IFT140: variants seen among roughly 807,000 people sequenced by gnomAD.
The protein encoded by IFT140 is intraflagellar transport protein 140 homolog.
Under a neutral mutation model 164.6 loss-of-function variants are expected in IFT140, and 133 were observed. That is an observed-to-expected ratio of 0.81 (90% CI 0.70 to 0.93). The LOEUF is 0.93. IFT140 is among the 40% of genes least tolerant of loss of function. IFT140 has a pLI of 0.00. For missense variants in IFT140, 2,045 were observed against 1,972.3 expected, an observed-to-expected ratio of 1.04 and a Z score of -0.70; for synonymous variants, 860 against 817.3, an observed-to-expected ratio of 1.05 and a Z score of -0.89.
At chr16:1,517,582 G>C (rs141196573) in intron 30 of IFT140, among the ~76,000 whole-genome samples, 188 of 152,278 alleles carry the variant, frequency 1.2e-3, no homozygotes, top group African/African-American at 4.0e-3. Context: ...GAAAACGCTA[G>C]AACACTGCGG....
chr16:1,563,845 C>T (rs553897613), intron 17 of IFT140, 152 bp downstream of exon 17: 232 of 629,690 alleles, frequency 3.7e-4, no homozygotes, highest in Admixed American at 1.6e-3. Flanking sequence ...AGGCTGGTCT[C>T]GAACTCCTGG....
intron 19 of IFT140, among the ~76,000 whole-genome samples, chr16:1,537,251 G>C (rs1223818322): frequency 6.6e-6 from 1 of 151,996 alleles, no homozygotes; most frequent in Non-Finnish European, 1.5e-5. Flanking sequence ...GCCACACCGC[G>C]TGCCTCCTCA....
At chr16:1,583,258 G>C in intron 12 of IFT140, 56 bp downstream of exon 12, 1 of 1,460,412 alleles carries the variant, frequency 6.8e-7, no homozygotes, top group Non-Finnish European at 9.6e-7. Context: ...TCATTAGGCA[G>C]GGAGGAAATA....
intron 29 of IFT140, 82 bp downstream of exon 29, chr16:1,519,799 G>A: frequency 3.0e-6 from 4 of 1,344,184 alleles, no homozygotes. Context: ...CTGCCCTTTT[G>A]CTGGCTGGGG....
Position 1,564,078 on chromosome 16 carries a change from T to C in IFT140, c.1986A>G (p.Val662=), listed in dbSNP as rs1261680512. The C allele has an allele frequency of 1.2e-6, 2 of 1,604,946 alleles. No homozygotes were observed. Among genetic ancestry groups the C allele is most frequent in the East Asian group, 4.5e-5 (2 of 44,460 alleles). The change falls in exon 17 of 31, where the codon GTA becomes GTG. Residue 662 remains valine (V), a synonymous_variant. Transcript: ENST00000426508. The surrounding 1 kb of genome is among the most constrained non-coding windows in gnomAD (Gnocchi z 5.5). ...GCGGCGTCTCCTGCACGGCTTCGCA[T>C]ACAAACAGCCGGGGCTCACTCTGGT... ...FWDQSEPRLF[V]CEAVQETPRS...
At chr16:1,517,636 GTC>G (rs1307465480) in intron 30 of IFT140, among the ~76,000 whole-genome samples, 2 of 152,172 alleles carry the variant, frequency 1.3e-5, no homozygotes, top group African/African-American at 2.4e-5. Context: ...ACTACACGCT[GTC>G]TCTAAAATTA....
At chr16:1,605,500 G>C (rs1318301932) in intron 3 of IFT140, among the ~76,000 whole-genome samples, 1 of 152,102 alleles carries the variant, frequency 6.6e-6, no homozygotes, top group Non-Finnish European at 1.5e-5. Context: ...CTGCCTCCTG[G>C]GTTCATGCCA....
intron 3 of IFT140, among the ~76,000 whole-genome samples, chr16:1,606,257 T>A (rs972824548): frequency 2.0e-5 from 3 of 152,246 alleles, no homozygotes; most frequent in Non-Finnish European, 4.4e-5. Context: ...CAGAGGAAGA[T>A]GCCTCAGGAT....
intron 2 of IFT140, among the ~76,000 whole-genome samples, chr16:1,608,662 CAACA>C (rs570986580): frequency 1.5e-4 from 22 of 141,946 alleles, no homozygotes; most frequent in Middle Eastern, 3.9e-3. Flanking sequence ...GAAACCCGAA[CAACA>C]AACAAACACT....
intron 19 of IFT140, among the ~76,000 whole-genome samples, chr16:1,550,031 C>A (rs1485517844): frequency 6.6e-6 from 1 of 152,118 alleles, no homozygotes; most frequent in African/African-American, 2.4e-5. Flanking sequence ...TCACGGCTTA[C>A]TGCAGACTCG....
rs779610741 is a variant in IFT140 at position 1,566,253 on chromosome 16, A to G, written c.1809T>C (p.Asp603=). 7 of 1,613,834 alleles carry G rather than the reference A, an allele frequency of 4.3e-6. No homozygotes were observed. Among genetic ancestry groups the G allele is most frequent in the South Asian group, 1.1e-5 (1 of 91,076 alleles). ...AGACGGTCACTGTGTCCATTTCAACATCGTAGAAGCAGATTTTGGAATCAG... is the reference window on the plus strand; with the variant it reads ...AGACGGTCACTGTGTCCATTTCAACGTCGTAGAAGCAGATTTTGGAATCAG... The part of the protein sequence containing the change: ...NSPDSKICFY[D]VEMDTVTVFD... Residue 603 remains aspartate, a synonymous_variant, in exon 16 of 31, where the codon GAT becomes GAC. Transcript: ENST00000426508.
chr16:1,586,870 C>T (rs1451940290), intron 9 of IFT140, among the ~76,000 whole-genome samples: 1 of 152,226 alleles, frequency 6.6e-6, no homozygotes, highest in African/African-American at 2.4e-5. Context: ...TCACACCTGG[C>T]TAATTTTTGT....
chr16:1,595,994 T>G (rs189685753), intron 4 of IFT140, among the ~76,000 whole-genome samples: 1 of 151,100 alleles, frequency 6.6e-6, no homozygotes, highest in African/African-American at 2.4e-5. Flanking sequence ...AGGCAGAGCT[T>G]GCAATGAGCC....
At chr16:1,578,156 C>T (rs2034371511) in intron 13 of IFT140, 1 of 152,104 alleles carries the variant, frequency 6.6e-6, no homozygotes, top group Admixed American at 6.5e-5. Context: ...CTTCCCTCCA[C>T]CTGATTCAGA....
In IFT140 at chr16:1,608,343, C is replaced by T. The variant is rs537483486; in HGVS notation, c.-31-1046G>A. On this transcript the variant is annotated intron_variant, in intron 2 of 30. Coordinates refer to ENST00000426508, the MANE Select transcript of IFT140 (RefSeq NM_014714.4). ...AACATACTTGTAGCCGGGTTTGCCA[C>T]CATTTAAAATTATACAGGCTCATGC... 3.9e-5 allele frequency among the ~76,000 whole-genome samples: 6 copies of T among 152,272 alleles called. No individual in the cohort carries two copies. In the South Asian group the frequency reaches 6.2e-4, roughly 16 times the overall value.
At chr16:1,605,552 C>T (rs944584545) in intron 3 of IFT140, among the ~76,000 whole-genome samples, 1 of 152,000 alleles carries the variant, frequency 6.6e-6, no homozygotes, top group Admixed American at 6.5e-5. Flanking sequence ...ACTACAGGTG[C>T]CCGCCACCAC....
chr16:1,569,760 T>G lies in IFT140; in HGVS notation c.1653-1426A>C, dbSNP rs117401189. ...TGCAAGTCACCATGCCTGGCTAATT[T>G]TTTTTTTTTAAGAAATTGGGTTTCA... On this transcript the variant is annotated intron_variant, in intron 14 of 30. Transcript: ENST00000426508. Among the ~76,000 whole-genome samples the G allele has an allele frequency of 7.5e-3, 1,130 of 151,632 alleles. 5 individuals are homozygous for G. The highest frequency in any genetic ancestry group is 0.011 in the Non-Finnish European group (762 of 67,880).
intron 16 of IFT140, among the ~76,000 whole-genome samples, 179 bp downstream of exon 16, chr16:1,565,982 G>A (rs955081484): frequency 6.6e-6 from 1 of 152,180 alleles, no homozygotes; most frequent in Non-Finnish European, 1.5e-5. Flanking sequence ...GAAGGACAGA[G>A]ACTAAGAACT....
chr16:1,547,717 G>A (rs1393346550), intron 19 of IFT140, among the ~76,000 whole-genome samples: 3 of 152,110 alleles, frequency 2.0e-5, no homozygotes, highest in Non-Finnish European at 4.4e-5. Context: ...TGTATTTTTG[G>A]TAGAGATGGG....
Sources: gnomAD v4.1 joint callset for allele counts (sites outside exome capture counted in the v4.1 genomes callset) on GRCh38, gnomAD v4.1.1 for gene constraint, Gnocchi (gnomAD v3.1) non-coding constraint, MANE v1.5 for transcripts, NCBI Gene and HGNC (gene_info 2026-07-23, HGNC 2026-07-21) for gene names.